ABCA13: variants seen among roughly 807,000 people sequenced by gnomAD.
ABCA13 encodes the protein ATP-binding cassette sub-family A member 13.
In ABCA13, 476 loss-of-function variants were observed where a neutral mutation model predicts 478.7. That is an observed-to-expected ratio of 0.99 (90% CI 0.92 to 1.07). The LOEUF (loss-of-function observed/expected upper bound fraction) is 1.07, where lower values mean the gene tolerates loss of function less well. Among genes scored for constraint, ABCA13 ranks in the 50% least tolerant of loss-of-function variants. The probability of loss-of-function intolerance (pLI) is 0.00; values close to 1 mark genes in which losing one functional copy is unlikely to be tolerated. For synonymous variants in ABCA13, 2,252 were observed against 2,158.9 expected, an observed-to-expected ratio of 1.04 and a Z score of -1.20; for missense variants, 6,060 against 5,910.6, an observed-to-expected ratio of 1.03 and a Z score of -0.83.
chr7:48,271,340 G>A (rs1014997583), intron 16 of ABCA13, among the ~76,000 whole-genome samples: 4 of 70,252 alleles, frequency 5.7e-5, no homozygotes, highest in African/African-American at 3.0e-4. Flanking sequence ...TGTTGAAAGA[G>A]CACTGGAATT....
At chr7:48,478,004 A>C (rs1280410680) in intron 45 of ABCA13, among the ~76,000 whole-genome samples, 1 of 151,872 alleles carries the variant, frequency 6.6e-6, no homozygotes, top group Non-Finnish European at 1.5e-5. Flanking sequence ...CCATTTTAGA[A>C]GGATGTATCT....
chr7:48,242,792 A>G (rs1205312654), intron 10 of ABCA13, among the ~76,000 whole-genome samples: 1 of 152,158 alleles, frequency 6.6e-6, no homozygotes, highest in African/African-American at 2.4e-5. Flanking sequence ...TTAGCAGAAA[A>G]TTGTATATCT....
At chr7:48,184,197 C>T (rs1388371022) in intron 1 of ABCA13, among the ~76,000 whole-genome samples, 1 of 152,144 alleles carries the variant, frequency 6.6e-6, no homozygotes, top group Non-Finnish European at 1.5e-5. Context: ...TTGAGTACTA[C>T]TGAAACTGGG....
intron 58 of ABCA13, among the ~76,000 whole-genome samples, chr7:48,597,171 C>T (rs1041247786): frequency 3.3e-5 from 5 of 152,044 alleles, no homozygotes; most frequent in East Asian, 1.9e-4. Flanking sequence ...AGGATGGTCT[C>T]GATCTCCTGA....
chr7:48,365,676 C>T (rs1811551883), intron 31 of ABCA13, among the ~76,000 whole-genome samples: 1 of 152,118 alleles, frequency 6.6e-6, no homozygotes, highest in Non-Finnish European at 1.5e-5. Context: ...AAGAGATAGT[C>T]CTTTTCCCAA....
intron 55 of ABCA13, among the ~76,000 whole-genome samples, chr7:48,565,077 C>T (rs868134726): frequency 1.4e-4 from 22 of 152,032 alleles, no homozygotes; most frequent in African/African-American, 3.9e-4. Context: ...TGAGTGACTG[C>T]GGAAACGGTG....
At chr7:48,381,774 T>C (rs1327521863) in intron 35 of ABCA13, among the ~76,000 whole-genome samples, 1 of 152,220 alleles carries the variant, frequency 6.6e-6, no homozygotes, top group East Asian at 1.9e-4. Context: ...GCAGTTCCCC[T>C]TGAGGAGAAA....
At chr7:48,402,944 G>A (rs899698473) in intron 38 of ABCA13, among the ~76,000 whole-genome samples, 1 of 152,212 alleles carries the variant, frequency 6.6e-6, no homozygotes, top group Non-Finnish European at 1.5e-5. Flanking sequence ...TGAGTAAGAT[G>A]GTAAATAGGT....
intron 15 of ABCA13, among the ~76,000 whole-genome samples, chr7:48,263,747 T>G (rs1794502688): frequency 6.6e-6 from 1 of 151,930 alleles, no homozygotes; most frequent in Admixed American, 6.6e-5. Context: ...TTTGATACTG[T>G]TGAGCTTTTT....
chr7:48,198,562 C>T (rs939311477), intron 3 of ABCA13, among the ~76,000 whole-genome samples: 5 of 152,242 alleles, frequency 3.3e-5, no homozygotes, highest in African/African-American at 1.2e-4. Context: ...TTTCCACTGT[C>T]ACTTGCGGGA....
intron 2 of ABCA13, among the ~76,000 whole-genome samples, chr7:48,196,716 G>A (rs1797984011): frequency 6.6e-6 from 1 of 152,144 alleles, no homozygotes; most frequent in South Asian, 2.1e-4. Flanking sequence ...CTGACCCACT[G>A]AGCACTGTCT....
At position 48,645,513 on chromosome 7, in the gene ABCA13, G is replaced by T. The variant is rs759558569; in HGVS notation, c.*1G>T. 6.4e-7 allele frequency: 1 copy of T among 1,574,494 alleles called. No individual in the cohort carries two copies. Among genetic ancestry groups the T allele is most frequent in the East Asian group, 2.3e-5 (1 of 43,434 alleles). On this transcript the variant is annotated 3_prime_UTR_variant, in exon 62 of 62. Transcript: ENST00000435803. ...CCACACACATCACTTGCCCATCTGA[G>T]CACTAAAGAAGTTTCCATAAGGAAT...
At chr7:48,195,419 C>G (rs1160645272) in intron 2 of ABCA13, among the ~76,000 whole-genome samples, 3 of 151,958 alleles carry the variant, frequency 2.0e-5, no homozygotes, top group Non-Finnish European at 4.4e-5. Context: ...ATGGTTGTGC[C>G]CTGAAGCAGT....
At chr7:48,490,782 T>C (rs923599319) in intron 48 of ABCA13, among the ~76,000 whole-genome samples, 38 of 152,162 alleles carry the variant, frequency 2.5e-4, no homozygotes, top group African/African-American at 9.2e-4. Context: ...TGATGAAGAG[T>C]ATGGACTTTA....
intron 59 of ABCA13, among the ~76,000 whole-genome samples, chr7:48,642,644 T>C (rs1365080388): frequency 6.6e-6 from 1 of 152,114 alleles, no homozygotes; most frequent in Admixed American, 6.5e-5. Flanking sequence ...CCTACATTCC[T>C]GGAGATTGCT....
At chr7:48,590,721 T>G (rs1040902017) in intron 57 of ABCA13, among the ~76,000 whole-genome samples, 11 of 152,186 alleles carry the variant, frequency 7.2e-5, no homozygotes, top group Admixed American at 7.2e-4. Flanking sequence ...TTCATTTGCA[T>G]TTCCCTGATT....
At position 48,281,523 on chromosome 7, in the gene ABCA13, A is replaced by G. The variant is rs963806331; in HGVS notation, c.8836+71A>G. 5.3e-6 allele frequency: 7 copies of G among 1,315,396 alleles called. No homozygotes were observed. The African/African-American group carries it at 7.3e-5, about 14-fold the overall frequency. 81.5% of individuals were successfully genotyped at this position (1,315,396 alleles called of 1,614,324 possible). A position where few individuals can be genotyped will look rare whatever the true frequency, so the allele number is the denominator to read the frequency against. The stretch of plus-strand genomic sequence containing the variant: ...TTTTCAGAACTCAGGTGTCAGAGAG[A>G]TGAGTATATTGCACTTGAGTTTCTT... On this transcript the variant is annotated intron_variant, in intron 19 of 61. Coordinates refer to ENST00000435803, the MANE Select transcript of ABCA13 (RefSeq NM_152701.5).
chr7:48,412,965 C>T (rs939669655), intron 41 of ABCA13, among the ~76,000 whole-genome samples: 1 of 151,616 alleles, frequency 6.6e-6, no homozygotes, highest in Non-Finnish European at 1.5e-5. Flanking sequence ...GCGCCCGCCA[C>T]CACGCCTGGC....
chr7:48,291,746 G>T (rs1798565820), intron 20 of ABCA13, among the ~76,000 whole-genome samples: 1 of 152,144 alleles, frequency 6.6e-6, no homozygotes, highest in Admixed American at 6.5e-5. Context: ...AGTCGAACCA[G>T]ATTGGCCTGG....
Sources: allele counts gnomAD v4.1 joint callset (sites outside exome capture counted in the v4.1 genomes callset), GRCh38; gene constraint gnomAD v4.1.1; transcripts MANE v1.5; gene names NCBI Gene and HGNC (gene_info 2026-07-23, HGNC 2026-07-21).